The following HDAC2 variants were observed in gnomAD, a reference collection of about 807,000 sequenced individuals.
HDAC2 encodes the protein histone deacetylase 2, also known as YY1-associated factor 1.
A neutral mutation model predicts 68.5 loss-of-function variants in HDAC2; 5 were observed. That is an observed-to-expected ratio of 0.07 (90% confidence interval 0.04 to 0.15). HDAC2 has a LOEUF of 0.15. HDAC2 is among the 10% of genes least tolerant of loss of function. The probability of loss-of-function intolerance (pLI) is 1.00; values close to 1 mark genes in which losing one functional copy is unlikely to be tolerated. For synonymous variants in HDAC2, 182 were observed against 191.3 expected, an observed-to-expected ratio of 0.95 and a Z score of 0.40; for missense variants, 291 against 600.8, an observed-to-expected ratio of 0.48 and a Z score of 5.39.
rs554238552 is a variant in HDAC2, at chr6:113,963,103, G to A, written c.53-3085C>T. On this transcript the variant is annotated intron_variant, in intron 1 of 13. Coordinates refer to ENST00000519065, the MANE Select transcript of HDAC2 (RefSeq NM_001527.4). ...GGCATCCACTTTGTTTTCTTTTTGA[G>A]ATGGAGTTTCGCTCTTGTCACCCAG... Among the ~76,000 whole-genome samples the A allele has an allele frequency of 7.3e-5, 11 of 151,508 alleles. No homozygotes were observed. The East Asian group carries it at 2.2e-3, about 30-fold the overall frequency.
At chr6:113,959,664 C>T in intron 2 of HDAC2, 1 of 272,780 alleles carries the variant, frequency 3.7e-6, no homozygotes. Flanking sequence ...GAGTTGTTCT[C>T]CAGAACCATG....
chr6:113,968,857 C>T (rs1034962818), intron 1 of HDAC2, among the ~76,000 whole-genome samples: 2 of 152,200 alleles, frequency 1.3e-5, no homozygotes, highest in African/African-American at 4.8e-5. Context: ...GAAACTGCTA[C>T]TCAAGTGTAC....
intron 1 of HDAC2, among the ~76,000 whole-genome samples, chr6:113,967,210 C>T (rs898921493): frequency 3.3e-5 from 5 of 152,128 alleles, no homozygotes; most frequent in African/African-American, 7.2e-5. Context: ...CTCACTGCAA[C>T]CTGCACCTCC....
rs1776117410 is a variant in HDAC2, at chr6:113,940,980, G to A, written c.*78C>T. 4 of 1,133,334 alleles carry A rather than the reference G, an allele frequency of 3.5e-6. No homozygotes were observed. Among genetic ancestry groups the A allele is most frequent in the African/African-American group, 1.6e-5 (1 of 64,508 alleles). The allele number at this position is 1,133,334 out of a possible 1,614,324, so 70.2% of individuals were successfully genotyped here. On this transcript the variant is annotated 3_prime_UTR_variant, in exon 14 of 14. Coordinates refer to ENST00000519065, the MANE Select transcript of HDAC2 (RefSeq NM_001527.4). ...GCCAAAGTAGTATAAAATGAAGCCA[G>A]AAGTCTTCAAAAAGAAAACATTTTC...
chr6:113,963,013 A>C (rs1776725080), intron 1 of HDAC2, among the ~76,000 whole-genome samples: 1 of 152,008 alleles, frequency 6.6e-6, no homozygotes, highest in Non-Finnish European at 1.5e-5. Context: ...GCGTTATAAA[A>C]TAACCATCTC....
Position 113,971,127 on chromosome 6 carries a change from G to A in HDAC2, c.-219C>T, listed in dbSNP as rs1024067215. 5.8e-6 allele frequency: 9 copies of A among 1,542,274 alleles called. No individual in the cohort carries two copies. Among genetic ancestry groups the A allele is most frequent in the Non-Finnish European group, 2.6e-6 (3 of 1,142,452 alleles). On this transcript the variant is annotated 5_prime_UTR_variant, in exon 1 of 14. Coordinates refer to ENST00000519065, the MANE Select transcript of HDAC2 (RefSeq NM_001527.4). ...AAAGCTCGGAATCGGAGGTGGCAGC[G>A]GCACCAACTCGCGAGGAGGGGGCCA...
At chr6:113,951,697 G>A (rs1776420684) in intron 6 of HDAC2, among the ~76,000 whole-genome samples, 1 of 151,998 alleles carries the variant, frequency 6.6e-6, no homozygotes, top group Non-Finnish European at 1.5e-5. Flanking sequence ...TCGATCTCCT[G>A]ACCTCGTGAT....
intron 6 of HDAC2, among the ~76,000 whole-genome samples, 182 bp downstream of exon 6, chr6:113,953,095 C>A (rs919582243): frequency 2.0e-5 from 3 of 152,176 alleles, no homozygotes; most frequent in African/African-American, 7.2e-5. Flanking sequence ...TAAGTTTTCA[C>A]TAAATTTTTG....
In HDAC2 at chr6:113,949,048, C is replaced by G. The variant is rs1179797801; in HGVS notation, c.772G>C (p.Val258Leu). Reference protein sequence around the residue: ...KVMEMYQPSAVVLQCGADSLS... With the variant: ...KVMEMYQPSALVLQCGADSLS... Reference sequence around the variant, plus strand: ...GAGTCTGCACCACACTGTAATACCACAGCACTAGGTTGATACATCTCCATC... The same window carrying G: ...GAGTCTGCACCACACTGTAATACCAGAGCACTAGGTTGATACATCTCCATC... Residue 258 changes from valine to leucine, a missense_variant, in exon 8 of 14, where the codon GTG becomes CTG. Around this residue, in one of 2 missense-constraint regions of HDAC2, gnomAD observed 154 missense variants for 472.1 expected, o/e 0.33. Transcript: ENST00000519065. The G allele has an allele frequency of 6.2e-7, 1 of 1,613,904 alleles. No homozygotes were observed. The highest frequency in any genetic ancestry group is 8.5e-7 in the Non-Finnish European group (1 of 1,179,964).
chr6:113,963,139 G>C (rs1345492717), intron 1 of HDAC2, among the ~76,000 whole-genome samples: 4 of 151,286 alleles, frequency 2.6e-5, no homozygotes, highest in Admixed American at 2.6e-4. Flanking sequence ...GCTGGAGTGC[G>C]GTGATGTGAT....
rs955369335 is a variant in HDAC2 at position 113,935,644 on chromosome 6, C to T, written c.*5414G>A. Reference sequence around the variant, plus strand: ...CAAAATGGGTCTGGCCAAAAAAAATCTCCTATTCAGAATCCTGCTACTCAT... The same window carrying T: ...CAAAATGGGTCTGGCCAAAAAAAATTTCCTATTCAGAATCCTGCTACTCAT... On this transcript the variant is annotated 3_prime_UTR_variant, in exon 14 of 14. Transcript: ENST00000519065. 4 of 152,178 alleles carry T rather than the reference C, an allele frequency of 2.6e-5. No individual in the cohort carries two copies. Among genetic ancestry groups the T allele is most frequent in the Admixed American group, 6.5e-5 (1 of 15,278 alleles). The allele number at this position is 152,178 out of a possible 1,614,324, so 9.4% of individuals were successfully genotyped here. A position where few individuals can be genotyped will look rare whatever the true frequency, so the allele number is the denominator to read the frequency against.
chr6:113,970,728 T>C, intron 1 of HDAC2, 129 bp downstream of exon 1: 1 of 1,410,816 alleles, frequency 7.1e-7, no homozygotes, highest in Non-Finnish European at 9.1e-7. Flanking sequence ...CGGGAACGGG[T>C]TAAGATGCGG....
chr6:113,960,176 T>C (rs1776647400), intron 1 of HDAC2, 158 bp from the exon 2 acceptor site: 9 of 625,626 alleles, frequency 1.4e-5, no homozygotes, highest in South Asian at 9.1e-5. Context: ...TCAAACTGTA[T>C]CAGATGACTA....
intron 8 of HDAC2, chr6:113,947,142 T>C (rs1429531795): frequency 6.6e-6 from 1 of 152,162 alleles, no homozygotes; most frequent in Non-Finnish European, 1.5e-5. Context: ...AAAAACCATT[T>C]GGATATTTTT....
rs1363523206 is a variant in HDAC2, at chr6:113,938,925, T to C, written c.*2133A>G. On this transcript the variant is annotated 3_prime_UTR_variant, in exon 14 of 14. Transcript: ENST00000519065. The stretch of plus-strand genomic sequence containing the variant: ...ACCAACTACTTAGAAAAACAAAACC[T>C]CTTAAATACACCCAAGGAGATCCAG... 7 of 152,202 alleles carry C rather than the reference T, an allele frequency of 4.6e-5. No individual in the cohort carries two copies. The highest frequency in any genetic ancestry group is 1.4e-4 in the African/African-American group (6 of 41,446). The allele number at this position is 152,202 out of a possible 1,614,324, so 9.4% of individuals were successfully genotyped here. A position where few individuals can be genotyped will look rare whatever the true frequency, so the allele number is the denominator to read the frequency against.
chr6:113,949,716 C>G (rs1328138033), intron 6 of HDAC2, among the ~76,000 whole-genome samples: 1 of 152,112 alleles, frequency 6.6e-6, no homozygotes, highest in African/African-American at 2.4e-5. Context: ...TATGAGTTTA[C>G]TTATGATGAA....
rs191208195 is a variant in HDAC2, at chr6:113,943,620, G to A, written c.1223-114C>T. ...TAGTTACCACATTTAAACGTAAAGG[G>A]TAACATGCCTAATGATTTTAAAATT... On this transcript the variant is annotated intron_variant, in intron 11 of 13. Transcript: ENST00000519065. 4.9e-4 allele frequency: 303 copies of A among 618,712 alleles called. 1 individual carries two copies. In the African/African-American group the frequency reaches 5.1e-3, roughly 10 times the overall value. 38.3% of individuals were successfully genotyped at this position (618,712 alleles called of 1,614,324 possible). A position where few individuals can be genotyped will look rare whatever the true frequency, so the allele number is the denominator to read the frequency against.
At chr6:113,967,766 T>G (rs933458776) in intron 1 of HDAC2, among the ~76,000 whole-genome samples, 2 of 152,190 alleles carry the variant, frequency 1.3e-5, no homozygotes, top group Non-Finnish European at 2.9e-5. Flanking sequence ...AATCACATCG[T>G]TTTAAGGCCC....
rs112706255 is a variant in HDAC2 at position 113,961,657 on chromosome 6, T to C, written c.53-1639A>G. On this transcript the variant is annotated intron_variant, in intron 1 of 13. Transcript: ENST00000519065. Reference sequence around the variant, plus strand: ...ACATGGTGACAATACAAGGGATATATAGTTCCTTGAAAGCAGCCTGGTCTC... The same window carrying C: ...ACATGGTGACAATACAAGGGATATACAGTTCCTTGAAAGCAGCCTGGTCTC... Among the ~76,000 whole-genome samples the C allele has an allele frequency of 3.6e-3, 546 of 152,278 alleles. 3 individuals are homozygous for C. The highest frequency in any genetic ancestry group is 0.012 in the African/African-American group (500 of 41,546).
Sources: gnomAD v4.1 joint callset for allele counts (sites outside exome capture counted in the v4.1 genomes callset) on GRCh38, gnomAD v4.1.1 for gene constraint, gnomAD v4.1.1 regional missense constraint, MANE v1.5 for transcripts, NCBI Gene and HGNC (gene_info 2026-07-23, HGNC 2026-07-21) for gene names.